Variants in CDC73 observed in about 807,000 individuals in gnomAD.
The protein encoded by CDC73 is cell division cycle 73, also known as parafibromin.
Under a neutral mutation model 83.7 loss-of-function variants are expected in CDC73, and 21 were observed. That is an observed-to-expected ratio of 0.25 (90% CI 0.18 to 0.36). The LOEUF (loss-of-function observed/expected upper bound fraction) is 0.36. Among genes scored for constraint, CDC73 ranks in the 10% least tolerant of loss-of-function variants. CDC73 has a pLI of 1.00. For missense variants in CDC73, 342 were observed against 653.3 expected (o/e 0.52, Z 5.19); for synonymous variants, 224 against 212.9 (o/e 1.05, Z -0.45).
At chr1:193,156,447 TC>T (rs1676209456) in intron 10 of CDC73, among the ~76,000 whole-genome samples, 1 of 152,212 alleles carries the variant, frequency 6.6e-6, no homozygotes, top group African/African-American at 2.4e-5. Flanking sequence ...TCATCATAGT[TC>T]TTACACTAAG....
intron 10 of CDC73, among the ~76,000 whole-genome samples, chr1:193,169,132 C>T (rs760720437): frequency 6.6e-6 from 1 of 152,058 alleles, no homozygotes; most frequent in Non-Finnish European, 1.5e-5. Flanking sequence ...GTAATTAGTA[C>T]TTGTCTCATT....
chr1:193,152,880 C>T (rs1004282599), intron 10 of CDC73, among the ~76,000 whole-genome samples: 16 of 151,892 alleles, frequency 1.1e-4, no homozygotes, highest in East Asian at 7.7e-4. Context: ...CCCGGGTTCA[C>T]GCCATTCTCC....
chr1:193,241,181 T>C lies in CDC73; in HGVS notation c.1417+4825T>C, dbSNP rs574621975. Among the ~76,000 whole-genome samples, 22 of 152,330 alleles carry C rather than the reference T, an allele frequency of 1.4e-4. No homozygotes were observed. In the East Asian group the frequency reaches 3.3e-3, roughly 23 times the overall value. On this transcript the variant is annotated intron_variant, in intron 15 of 16. Transcript: ENST00000367435. ...ATTTGCTTTTTTAGGGGAGGACTTT[T>C]CCCCGAAGATGTACCTATGATTTTG...
At chr1:193,219,809 A>G (rs1393865229) in intron 13 of CDC73, among the ~76,000 whole-genome samples, 4 of 152,194 alleles carry the variant, frequency 2.6e-5, no homozygotes, top group Non-Finnish European at 4.4e-5. Context: ...TCATGAAATA[A>G]TTTGTACACC....
In CDC73 at chr1:193,250,912, G is replaced by A. The variant is rs1678034073; in HGVS notation, c.*200G>A. The A allele has an allele frequency of 3.6e-6, 2 of 560,812 alleles. No homozygotes were observed. The highest frequency in any genetic ancestry group is 3.2e-6 in the Non-Finnish European group (1 of 312,154). The allele number at this position is 560,812 out of a possible 1,614,324, so 34.7% of individuals were successfully genotyped here. A position where few individuals can be genotyped will look rare whatever the true frequency, so the allele number is the denominator to read the frequency against. ...TTTTTTAATATTAGCCTTCTAGTCT[G>A]TAATGGAAATTGTATATTTTGATAG... On this transcript the variant is annotated 3_prime_UTR_variant, in exon 17 of 17. Coordinates refer to ENST00000367435, the MANE Select transcript of CDC73 (RefSeq NM_024529.5).
chr1:193,204,793 T>A (rs1186072431), intron 11 of CDC73, among the ~76,000 whole-genome samples: 1 of 152,204 alleles, frequency 6.6e-6, no homozygotes, highest in Non-Finnish European at 1.5e-5. Context: ...AAAACATTTT[T>A]AAAAGTTTAA....
chr1:193,249,686 T>C (rs1678013401), intron 15 of CDC73, 44 bp from the exon 16 acceptor site: 2 of 1,523,984 alleles, frequency 1.3e-6, no homozygotes, highest in African/African-American at 1.4e-5. Flanking sequence ...TTCTTTTTTT[T>C]TATTTTGAGT....
At chr1:193,159,791 A>G (rs1029906985) in intron 10 of CDC73, among the ~76,000 whole-genome samples, 14 of 152,162 alleles carry the variant, frequency 9.2e-5, no homozygotes, top group African/African-American at 3.4e-4. Context: ...TTTTTCTCTA[A>G]TTGGCTAGTA....
At position 193,252,423 on chromosome 1, in the gene CDC73, C is replaced by T. The variant is rs1432854551; in HGVS notation, c.*1711C>T. ...GTAAGATTACTTGTCAAGACTACTA[C>T]AAGTCAGTATGAACTACCTTCCCAT... is the stretch of plus-strand genomic sequence containing the variant. On this transcript the variant is annotated 3_prime_UTR_variant, in exon 17 of 17. Coordinates refer to ENST00000367435, the MANE Select transcript of CDC73 (RefSeq NM_024529.5). 4 of 229,910 alleles carry T rather than the reference C, an allele frequency of 1.7e-5. No individual in the cohort carries two copies. The highest frequency in any genetic ancestry group is 8.8e-5 in the African/African-American group (4 of 45,210). 14.2% of individuals were successfully genotyped at this position (229,910 alleles called of 1,614,324 possible).
chr1:193,156,028 CAA>C (rs1676201630), intron 10 of CDC73, among the ~76,000 whole-genome samples: 2 of 152,056 alleles, frequency 1.3e-5, no homozygotes, highest in South Asian at 4.1e-4. Context: ...GGGGAAATAA[CAA>C]TATATTTTCA....
At chr1:193,229,009 A>C (rs1357126762) in intron 13 of CDC73, among the ~76,000 whole-genome samples, 2 of 152,190 alleles carry the variant, frequency 1.3e-5, no homozygotes, top group Non-Finnish European at 2.9e-5. Flanking sequence ...GCATGAAAAA[A>C]ATTCTCAGTA....
intron 7 of CDC73, among the ~76,000 whole-genome samples, chr1:193,147,472 A>C (rs1029963404): frequency 6.7e-6 from 1 of 150,238 alleles, no homozygotes; most frequent in Non-Finnish European, 1.5e-5. Flanking sequence ...TGTTCACACC[A>C]TATTCCTGCC....
At position 193,252,388 on chromosome 1, in the gene CDC73, ATATT is replaced by A. The variant is rs1317497972; in HGVS notation, c.*1678_*1681del. 2 of 229,846 alleles carry A rather than the reference ATATT, an allele frequency of 8.7e-6. No homozygotes were observed. The highest frequency in any genetic ancestry group is 4.4e-5 in the African/African-American group (2 of 45,180). 14.2% of individuals were successfully genotyped at this position (229,846 alleles called of 1,614,324 possible). ...AAATAGTCAAGGACCAGAATCTGTA[ATATT>A]TTTATGTAAGATTACTTGTCAAGAC... On this transcript the variant is annotated 3_prime_UTR_variant, in exon 17 of 17. Transcript: ENST00000367435.
intron 8 of CDC73, among the ~76,000 whole-genome samples, chr1:193,148,456 C>G (rs1676047414): frequency 6.6e-6 from 1 of 151,992 alleles, no homozygotes; most frequent in African/African-American, 2.4e-5. Context: ...CCACTTAAGA[C>G]CCTCCCAAAG....
chr1:193,197,648 A>AG lies in CDC73; in HGVS notation c.973-6145dup, dbSNP rs1677023532. On this transcript the variant is annotated intron_variant, in intron 10 of 16. Transcript: ENST00000367435. ...CTTTCAGTAAGTGTATGTAGAGGCC[A>AG]GGTGCGGTGGCTCGTGCCTGTAATC... Among the ~76,000 whole-genome samples the AG allele has an allele frequency of 2.0e-5, 3 of 152,230 alleles. No homozygotes were observed. In the South Asian group the frequency reaches 6.2e-4, roughly 32 times the overall value.
At chr1:193,172,546 A>G (rs1489714794) in intron 10 of CDC73, among the ~76,000 whole-genome samples, 7 of 152,156 alleles carry the variant, frequency 4.6e-5, no homozygotes, top group Admixed American at 1.3e-4. Flanking sequence ...AGTTCATCCC[A>G]GTTAACATAA....
At chr1:193,143,833 G>A (rs1179052301) in intron 7 of CDC73, among the ~76,000 whole-genome samples, 1 of 152,156 alleles carries the variant, frequency 6.6e-6, no homozygotes, top group South Asian at 2.1e-4. Flanking sequence ...TGAGAGGCTG[G>A]GTGCAGCGGC....
At chr1:193,132,400 A>C (rs1451747143) in intron 3 of CDC73, among the ~76,000 whole-genome samples, 1 of 152,246 alleles carries the variant, frequency 6.6e-6, no homozygotes, top group East Asian at 1.9e-4. Context: ...GACTGGATAC[A>C]CAAAAGTTTA....
chr1:193,166,578 C>T (rs543682938), intron 10 of CDC73, among the ~76,000 whole-genome samples: 19 of 151,874 alleles, frequency 1.3e-4, no homozygotes, highest in Non-Finnish European at 1.2e-4. Flanking sequence ...GCTTACAGGC[C>T]GATAGACAAA....
Sources: allele counts gnomAD v4.1 joint callset (sites outside exome capture counted in the v4.1 genomes callset), GRCh38; gene constraint gnomAD v4.1.1; transcripts MANE v1.5; gene names NCBI Gene and HGNC (gene_info 2026-07-23, HGNC 2026-07-21).